The following TTC6 variants were observed in gnomAD, a reference collection of about 807,000 sequenced individuals.
TTC6 encodes the protein tetratricopeptide repeat protein 6.
Under a neutral mutation model 210.4 loss-of-function variants are expected in TTC6, and 172 were observed. That is an observed-to-expected ratio of 0.82 (90% CI 0.72 to 0.93). The LOEUF is 0.93. Among genes scored for constraint, TTC6 ranks in the 40% least tolerant of loss-of-function variants. TTC6 has a pLI of 0.00. For missense variants in TTC6, 2,414 were observed against 2,318.1 expected (o/e 1.04, Z -0.85); for synonymous variants, 804 against 819.6 (o/e 0.98, Z 0.32).
chr14:37,839,840 G>T (rs2096206063), intron 29 of TTC6, among the ~76,000 whole-genome samples: 1 of 152,102 alleles, frequency 6.6e-6, no homozygotes, highest in African/African-American at 2.4e-5. Flanking sequence ...TGGAAGGAAG[G>T]GATCTAGTCT....
chr14:37,825,701 C>G (rs2096169398), intron 27 of TTC6, among the ~76,000 whole-genome samples: 1 of 152,080 alleles, frequency 6.6e-6, no homozygotes, highest in African/African-American at 2.4e-5. Flanking sequence ...TACTAAAACT[C>G]CAGATGCTGG....
rs183177892 is a variant in TTC6 at position 37,637,969 on chromosome 14, A to G, written c.939+14966A>G. On this transcript the variant is annotated intron_variant, in intron 1 of 30. Transcript: ENST00000553443. The stretch of plus-strand genomic sequence containing the variant: ...CATGCTACTACTATGTGATCTAACA[A>G]TTGCACTCCTGGGCATTTATTGCTC... 8.5e-5 allele frequency among the ~76,000 whole-genome samples: 13 copies of G among 152,330 alleles called. No individual in the cohort carries two copies. The East Asian group carries it at 2.3e-3, about 27-fold the overall frequency.
intron 14 of TTC6, among the ~76,000 whole-genome samples, chr14:37,769,258 A>G (rs895487759): frequency 1.2e-4 from 18 of 151,932 alleles, no homozygotes; most frequent in Non-Finnish European, 2.5e-4. Flanking sequence ...TTGGTCTAAA[A>G]TTCTCTTTTT....
At chr14:37,779,835 G>T (rs1420499527) in intron 14 of TTC6, among the ~76,000 whole-genome samples, 1 of 152,178 alleles carries the variant, frequency 6.6e-6, no homozygotes, top group Non-Finnish European at 1.5e-5. Context: ...TGGTGTCTCA[G>T]GGGGCCTCAT....
At chr14:37,619,422 GAT>G (rs1357998513), upstream of TTC6, among the ~76,000 whole-genome samples, 1 of 152,076 alleles carries the variant, frequency 6.6e-6, no homozygotes, top group Non-Finnish European at 1.5e-5. Context: ...TTCATGAATT[GAT>G]ATGAGTCCAA....
At chr14:37,804,950 T>A in intron 21 of TTC6, 136 bp downstream of exon 23, 1 of 860,142 alleles carries the variant, frequency 1.2e-6, no homozygotes, top group Non-Finnish European at 1.8e-6. Flanking sequence ...CTTGTTATAG[T>A]CATTCTGCAC....
intron 14 of TTC6, among the ~76,000 whole-genome samples, chr14:37,771,709 A>T (rs1399337876): frequency 2.6e-5 from 4 of 151,720 alleles, no homozygotes; most frequent in Non-Finnish European, 5.9e-5. Flanking sequence ...ATTCTTCCAA[A>T]TTTTTTTCAA....
Position 37,651,407 on chromosome 14 carries a change from ATATATATATATATATATATTTTTTTTTTT to A in TTC6, c.939+28406_939+28434del, listed in dbSNP as rs1449413674. ...TTATGTTATATATATATATATATAT[ATATATATATATATATATATTTTTTTTTTT>A]TTTTTTTTTTTTTTTTTCCATCCAT... On this transcript the variant is annotated intron_variant, in intron 1 of 30. Transcript: ENST00000553443. 9.3e-3 allele frequency among the ~76,000 whole-genome samples: 157 copies of A among 16,844 alleles called. 1 individual carries two copies. The highest frequency in any genetic ancestry group is 0.038 in the African/African-American group (140 of 3,668). The allele number at this position is 16,844 out of a possible 152,430, so 11.1% of individuals were successfully genotyped here. A position where few individuals can be genotyped will look rare whatever the true frequency, so the allele number is the denominator to read the frequency against.
chr14:37,617,614 T>C (rs867513411), upstream of TTC6, among the ~76,000 whole-genome samples: 1 of 152,108 alleles, frequency 6.6e-6, no homozygotes, highest in African/African-American at 2.4e-5. Context: ...TATTAATATG[T>C]TTATATATTT....
chr14:37,776,426 A>T (rs1047941476), intron 14 of TTC6, among the ~76,000 whole-genome samples: 2 of 151,992 alleles, frequency 1.3e-5, no homozygotes, highest in African/African-American at 4.8e-5. Context: ...CTGTGTACTT[A>T]AGTGTGTTTT....
chr14:37,795,212 A>G, intron 17 of TTC6, 58 bp from the exon 20 acceptor site: 2 of 1,209,768 alleles, frequency 1.7e-6, no homozygotes, highest in South Asian at 1.4e-5. Flanking sequence ...GAGGATAAAT[A>G]TCAGAAAGGA....
chr14:37,608,969 G>C (rs954246545), intron 2 of TTC6, among the ~76,000 whole-genome samples: 1 of 152,150 alleles, frequency 6.6e-6, no homozygotes, highest in African/African-American at 2.4e-5. Flanking sequence ...TATGCTGCTC[G>C]TTTGAGTCTA....
At chr14:37,841,746 C>A in intron 30 of TTC6, 76 bp downstream of exon 32, 1 of 1,123,930 alleles carries the variant, frequency 8.9e-7, no homozygotes, top group Non-Finnish European at 1.3e-6. Flanking sequence ...AGAAGAAAAT[C>A]ATTAGGTCTA....
intron 2 of TTC6, among the ~76,000 whole-genome samples, chr14:37,681,920 A>C (rs531518170): frequency 4.6e-5 from 7 of 152,298 alleles, no homozygotes; most frequent in Admixed American, 6.5e-5. Context: ...AAATATTCAA[A>C]TGTCCCCCAC....
chr14:37,831,273 A>T (rs1304490654), intron 29 of TTC6, among the ~76,000 whole-genome samples: 2 of 152,102 alleles, frequency 1.3e-5, no homozygotes, highest in Non-Finnish European at 2.9e-5. Flanking sequence ...TTTTAATGAC[A>T]CAATAGTATT....
exon 16 of TTC6, chr14:37,790,743 C>G (rs2096077448): frequency 6.5e-7 from 1 of 1,533,986 alleles, no homozygotes; most frequent in South Asian, 1.2e-5. Context: ...CTATGAGAAT[C>G]TTGGTTGTTT....
At chr14:37,767,388 A>G (rs1345039694) in intron 14 of TTC6, among the ~76,000 whole-genome samples, 1 of 152,178 alleles carries the variant, frequency 6.6e-6, no homozygotes, top group Non-Finnish European at 1.5e-5. Context: ...GACTTCCACA[A>G]TGGTTGAACT....
At chr14:37,780,558 C>T (rs2016638) in intron 14 of TTC6, among the ~76,000 whole-genome samples, 102,828 of 152,106 alleles carry the variant, frequency 0.68, 36,457 homozygotes, top group Non-Finnish European at 0.78. Context: ...ACTCCATCCA[C>T]GTCCCTGCAA....
chr14:37,686,366 A>T (rs2095793761), intron 3 of TTC6, among the ~76,000 whole-genome samples: 1 of 152,196 alleles, frequency 6.6e-6, no homozygotes, highest in African/African-American at 2.4e-5. Flanking sequence ...CTGCTTATGA[A>T]AGCCTCCCAA....
Sources: allele counts gnomAD v4.1 joint callset (sites outside exome capture counted in the v4.1 genomes callset), GRCh38; gene constraint gnomAD v4.1.1; transcripts MANE v1.5; gene names NCBI Gene and HGNC (gene_info 2026-07-23, HGNC 2026-07-21).